SLC26A7: variants seen among roughly 807,000 people sequenced by gnomAD.
SLC26A7 encodes anion exchange transporter.
In SLC26A7, 59 loss-of-function variants were observed where a neutral mutation model predicts 82.5. The ratio of observed to expected loss-of-function variants is 0.72; its 90% confidence interval spans 0.58 to 0.89. The LOEUF is 0.89. Among genes scored for constraint, SLC26A7 ranks in the 40% least tolerant of loss-of-function variants. SLC26A7 has a pLI of 0.00. For missense variants in SLC26A7, 820 were observed against 793.0 expected (o/e 1.03, Z -0.41); for synonymous variants, 271 against 274.3 (o/e 0.99, Z 0.12).
chr8:91,218,524 T>C (rs1237090096), intron 1 of SLC26A7, among the ~76,000 whole-genome samples: 2 of 152,108 alleles, frequency 1.3e-5, no homozygotes, highest in African/African-American at 4.8e-5. Flanking sequence ...CATTAAGAAG[T>C]TCAGTACGTA....
chr8:91,351,976 A>G (rs17666398), intron 10 of SLC26A7, 89 bp downstream of exon 10: 37,868 of 992,592 alleles, frequency 0.038, 914 homozygotes, highest in South Asian at 0.055. Context: ...TATAACCTCA[A>G]CAATCCTAAA....
At chr8:91,278,524 G>A (rs899100449) in intron 2 of SLC26A7, among the ~76,000 whole-genome samples, 7 of 152,036 alleles carry the variant, frequency 4.6e-5, no homozygotes, top group South Asian at 2.1e-4. Context: ...AGTATATCAC[G>A]AAATTAATGC....
chr8:91,241,804 G>A (rs1234511526), intron 2 of SLC26A7, among the ~76,000 whole-genome samples: 1 of 152,102 alleles, frequency 6.6e-6, no homozygotes, highest in African/African-American at 2.4e-5. Context: ...ATAAAAAGCT[G>A]CGTGACCGTA....
At chr8:91,330,186 A>G (rs1383172634) in intron 5 of SLC26A7, among the ~76,000 whole-genome samples, 1 of 152,132 alleles carries the variant, frequency 6.6e-6, no homozygotes, top group Non-Finnish European at 1.5e-5. Flanking sequence ...GGGGGTCTGG[A>G]TAGCCTGCGT....
chr8:91,223,535 C>T (rs901865357), intron 2 of SLC26A7, among the ~76,000 whole-genome samples: 1 of 152,090 alleles, frequency 6.6e-6, no homozygotes, highest in African/African-American at 2.4e-5. Flanking sequence ...ATTGTCTCCT[C>T]ATTCTCATTG....
In SLC26A7 at chr8:91,334,320, T is replaced by A. The variant is rs1308534945; in HGVS notation, c.668T>A (p.Ile223Asn). 2 of 1,612,428 alleles carry A rather than the reference T, an allele frequency of 1.2e-6. No individual in the cohort carries two copies. The highest frequency in any genetic ancestry group is 1.7e-6 in the Non-Finnish European group (2 of 1,179,218). ...ATTTATGCATATGTTTTTGAAAACATCAAGTCTGTGCGACTGGAAGCATTG... is the reference window on the plus strand; with the variant it reads ...ATTTATGCATATGTTTTTGAAAACAACAAGTCTGTGCGACTGGAAGCATTG... ...FYIYAYVFEN[I>N]KSVRLEALLL... The change falls in exon 6 of 19, where the codon ATC (isoleucine) becomes AAC (asparagine). Residue 223 changes from isoleucine to asparagine, a missense_variant. By Grantham distance (149) the Ile-to-Asn change is moderately radical (BLOSUM62 -3). Coordinates refer to ENST00000276609, the MANE Select transcript of SLC26A7 (RefSeq NM_052832.4).
chr8:91,318,220 C>A lies in SLC26A7; in HGVS notation c.482C>A (p.Ala161Asp). Residue 161 changes from alanine to aspartate, a missense_variant, in exon 5 of 19, where the codon GCC (alanine) becomes GAC (aspartate). Physicochemically the swap from Ala to Asp is moderately radical, Grantham distance 126. Transcript: ENST00000276609. The part of the protein sequence containing the change: ...VSFLGGVIQV[A>D]MFVLQLGSAT... ...ACTTCTCCCTTCTCCTCTTAGGTGG[C>A]CATGTTTGTGCTGCAACTGGGCAGT... 4 of 1,595,738 alleles carry A rather than the reference C, an allele frequency of 2.5e-6. No homozygotes were observed. Among genetic ancestry groups the A allele is most frequent in the Non-Finnish European group, 3.4e-6 (4 of 1,169,904 alleles).
chr8:91,256,223 C>G (rs911826925), intron 2 of SLC26A7, among the ~76,000 whole-genome samples: 2 of 152,076 alleles, frequency 1.3e-5, no homozygotes, highest in Non-Finnish European at 2.9e-5. Flanking sequence ...GAGGCATTGT[C>G]TTCCTTCTAT....
At chr8:91,219,711 GA>G (rs1238257171) in intron 2 of SLC26A7, among the ~76,000 whole-genome samples, 36 of 152,238 alleles carry the variant, frequency 2.4e-4, no homozygotes, top group African/African-American at 8.4e-4. Flanking sequence ...CATCAGTTGA[GA>G]ACGTGTTAGA....
At chr8:91,286,201 G>C (rs1165262164) in intron 2 of SLC26A7, among the ~76,000 whole-genome samples, 1 of 152,122 alleles carries the variant, frequency 6.6e-6, no homozygotes, top group Non-Finnish European at 1.5e-5. Flanking sequence ...CACAGCGTGG[G>C]TTGGAGGGAC....
intron 2 of SLC26A7, among the ~76,000 whole-genome samples, chr8:91,229,996 A>AT (rs1340330183): frequency 2.0e-5 from 3 of 152,114 alleles, no homozygotes; most frequent in South Asian, 4.1e-4. Flanking sequence ...TTTTTCTGAT[A>AT]TTTTTTTCCA....
At chr8:91,388,204 C>T (rs1018735351) in intron 15 of SLC26A7, among the ~76,000 whole-genome samples, 5 of 152,080 alleles carry the variant, frequency 3.3e-5, no homozygotes, top group African/African-American at 1.2e-4. Flanking sequence ...GATCTCGACT[C>T]ACTGCAAGCT....
At chr8:91,353,146 A>G in intron 11 of SLC26A7, 150 bp downstream of exon 11, 1 of 443,654 alleles carries the variant, frequency 2.3e-6, no homozygotes, top group Non-Finnish European at 3.9e-6. Flanking sequence ...AAATCTTAAT[A>G]AAAGCATTAA....
In SLC26A7 at chr8:91,395,270, T is replaced by A; in HGVS notation, c.*173T>A. 3.6e-6 allele frequency: 5 copies of A among 1,399,896 alleles called. No individual in the cohort carries two copies. Among genetic ancestry groups the A allele is most frequent in the Non-Finnish European group, 3.7e-6 (4 of 1,077,242 alleles). 86.7% of individuals were successfully genotyped at this position (1,399,896 alleles called of 1,614,324 possible). A position where few individuals can be genotyped will look rare whatever the true frequency, so the allele number is the denominator to read the frequency against. ...TTGGAAAGAACTGCCAACTTTTTTT[T>A]CTCATTTTTGTTAGTAAGAAGATTC... On this transcript the variant is annotated 3_prime_UTR_variant, in exon 19 of 19. Coordinates refer to ENST00000276609, the MANE Select transcript of SLC26A7 (RefSeq NM_052832.4).
At chr8:91,250,507 A>G (rs1189741633) in intron 2 of SLC26A7, among the ~76,000 whole-genome samples, 1 of 152,086 alleles carries the variant, frequency 6.6e-6, no homozygotes, top group Non-Finnish European at 1.5e-5. Flanking sequence ...AGGTGTTTCT[A>G]TTGGCAAAAG....
At chr8:91,219,045 C>A in intron 2 of SLC26A7, 2 of 1,070,608 alleles carry the variant, frequency 1.9e-6, no homozygotes, top group South Asian at 1.4e-5. Flanking sequence ...CTTGCCCTGT[C>A]AGCTCTGCAT....
chr8:91,292,507 A>C (rs1811901350), intron 3 of SLC26A7, among the ~76,000 whole-genome samples: 1 of 152,168 alleles, frequency 6.6e-6, no homozygotes, highest in Non-Finnish European at 1.5e-5. Context: ...CCACTTCCAC[A>C]GTATTATTAA....
Position 91,388,417 on chromosome 8 carries a change from C to T in SLC26A7, c.1676-921C>T, listed in dbSNP as rs143688391. On this transcript the variant is annotated intron_variant, in intron 15 of 18. Coordinates refer to ENST00000276609, the MANE Select transcript of SLC26A7 (RefSeq NM_052832.4). ...TGCACTATTTCCCTCATATTTTCTC[C>T]CAACTTGAGAAAGAACCACAGTCCC... is the stretch of plus-strand genomic sequence containing the variant. 5.3e-3 allele frequency among the ~76,000 whole-genome samples: 811 copies of T among 152,266 alleles called. 15 individuals carry two copies. The highest frequency in any genetic ancestry group is 0.018 in the African/African-American group (735 of 41,542).
At chr8:91,388,847 C>T (rs1814874510) in intron 15 of SLC26A7, among the ~76,000 whole-genome samples, 1 of 152,156 alleles carries the variant, frequency 6.6e-6, no homozygotes, top group East Asian at 1.9e-4. Flanking sequence ...GTGGGACAAG[C>T]CCTAGCAATG....
Sources: gnomAD v4.1 joint callset for allele counts (sites outside exome capture counted in the v4.1 genomes callset) on GRCh38, gnomAD v4.1.1 for gene constraint, MANE v1.5 for transcripts, NCBI Gene and HGNC (gene_info 2026-07-23, HGNC 2026-07-21) for gene names.